ETNPPL: variants seen among roughly 807,000 people sequenced by gnomAD.
ETNPPL encodes ethanolamine-phosphate phospho-lyase, also known as alanine--glyoxylate aminotransferase 2-like 1.
In ETNPPL, 30 loss-of-function variants were observed where a neutral mutation model predicts 55.5. That is an observed-to-expected ratio of 0.54 (90% confidence interval 0.40 to 0.73). ETNPPL has a LOEUF of 0.73. Ranked by LOEUF, ETNPPL falls within the 30% of genes least tolerant of loss-of-function variation. The pLI, the probability that ETNPPL is intolerant of heterozygous loss-of-function variation, is 0.00. For synonymous variants in ETNPPL, 202 were observed against 207.2 expected, an observed-to-expected ratio of 0.98 and a Z score of 0.21; for missense variants, 528 against 607.9, an observed-to-expected ratio of 0.87 and a Z score of 1.38.
At chr4:108,762,605 C>A in intron 1 of ETNPPL, 1 of 634,468 alleles carries the variant, frequency 1.6e-6, no homozygotes, top group Non-Finnish European at 2.8e-6. Flanking sequence ...CCGCCGGCTG[C>A]AGAGCGAGCC....
In ETNPPL at chr4:108,762,890, C is replaced by T; in HGVS notation, c.9G>A (p.Glu3=). Residue 3 remains glutamate (E), a synonymous_variant, in exon 1 of 13, where the codon GAG becomes GAA. Coordinates refer to ENST00000296486, the MANE Select transcript of ETNPPL (RefSeq NM_031279.4). ...CCAGAGTGTCCCGCTTACTGTACAG[C>T]TCGCACATGGTGGCGGGGTGCAGGG... The part of the protein sequence containing the change: MC[E]LYSKRDTLGL... 4 of 1,614,068 alleles carry T rather than the reference C, an allele frequency of 2.5e-6. No homozygotes were observed. The highest frequency in any genetic ancestry group is 3.4e-6 in the Non-Finnish European group (4 of 1,179,922).
intron 11 of ETNPPL, among the ~76,000 whole-genome samples, chr4:108,745,366 G>A (rs1398568527): frequency 1.3e-5 from 2 of 152,146 alleles, no homozygotes; most frequent in Non-Finnish European, 2.9e-5. Context: ...GGAGGCTGAG[G>A]TGAGCAGATC....
chr4:108,763,001 G>C lies in ETNPPL; in HGVS notation c.-103C>G, dbSNP rs765977995. 4 of 1,099,786 alleles carry C rather than the reference G, an allele frequency of 3.6e-6. No homozygotes were observed. The highest frequency in any genetic ancestry group is 5.5e-6 in the Non-Finnish European group (4 of 733,368). The allele number at this position is 1,099,786 out of a possible 1,614,324, so 68.1% of individuals were successfully genotyped here. A position where few individuals can be genotyped will look rare whatever the true frequency, so the allele number is the denominator to read the frequency against. ...GGCGGCCCCGGCCGGCCTTCCTCCC[G>C]TTATCCCTCCTGGCGTTCTCTTGCC... On this transcript the variant is annotated 5_prime_UTR_variant, in exon 1 of 13. Coordinates refer to ENST00000296486, the MANE Select transcript of ETNPPL (RefSeq NM_031279.4).
At chr4:108,747,208 AAT>A (rs1296493013) in intron 9 of ETNPPL, among the ~76,000 whole-genome samples, 1 of 3,778 alleles carries the variant, frequency 2.6e-4, no homozygotes, top group Non-Finnish European at 4.1e-4. Flanking sequence ...ATATATATAT[AAT>A]ATATATATAT....
At chr4:108,751,726 T>C (rs1052765071) in intron 6 of ETNPPL, among the ~76,000 whole-genome samples, 2 of 152,234 alleles carry the variant, frequency 1.3e-5, no homozygotes, top group Non-Finnish European at 2.9e-5. Flanking sequence ...TTTTTAGATA[T>C]TTGGTTTCTT....
At chr4:108,756,342 A>G in intron 4 of ETNPPL, 76 bp downstream of exon 4, 2 of 967,614 alleles carry the variant, frequency 2.1e-6, no homozygotes, top group South Asian at 2.6e-5. Flanking sequence ...CGTTCATGGT[A>G]TTAGTATGGA....
chr4:108,747,922 G>T lies in ETNPPL; in HGVS notation c.1082+83C>A, dbSNP rs187213390. ...TTTTTGTAGTTTTAATAGAGACGGG[G>T]TCTCACCATGTTGCCCAGCCTATAA... is the stretch of plus-strand genomic sequence containing the variant. On this transcript the variant is annotated intron_variant, in intron 9 of 12. Transcript: ENST00000296486. 1.9e-5 allele frequency: 22 copies of T among 1,170,684 alleles called. No homozygotes were observed. In the Admixed American group the frequency reaches 4.6e-4, roughly 24 times the overall value. The allele number at this position is 1,170,684 out of a possible 1,614,324, so 72.5% of individuals were successfully genotyped here. A position where few individuals can be genotyped will look rare whatever the true frequency, so the allele number is the denominator to read the frequency against.
intron 7 of ETNPPL, among the ~76,000 whole-genome samples, chr4:108,750,214 C>T (rs1002716637): frequency 1.3e-5 from 2 of 152,082 alleles, no homozygotes; most frequent in Admixed American, 6.6e-5. Context: ...AAGAGATTAA[C>T]ATTTGAGTCA....
chr4:108,753,892 CTTGG>C (rs1312852758), intron 5 of ETNPPL, among the ~76,000 whole-genome samples: 6 of 151,154 alleles, frequency 4.0e-5, no homozygotes, highest in Non-Finnish European at 5.9e-5. Flanking sequence ...TTTTCAACAA[CTTGG>C]TTGGTTTCTT....
chr4:108,742,544 T>C lies in ETNPPL; in HGVS notation c.1440A>G (p.Arg480=), dbSNP rs1363432954. ...TATCCGTGCACATTCCATTTCTCTT[T>C]CTGCTGGGATTTTCTTTGGAGTCAG... ...STTDSKENPS[R]KRNGMCTDTH... The change falls in exon 13 of 13, where the codon AGA becomes AGG. Residue 480 remains arginine, a synonymous_variant. Transcript: ENST00000296486. 3 of 1,614,190 alleles carry C rather than the reference T, an allele frequency of 1.9e-6. No individual in the cohort carries two copies. The South Asian group carries it at 3.3e-5, about 18-fold the overall frequency.
At chr4:108,744,021 G>A (rs113090178) in intron 11 of ETNPPL, among the ~76,000 whole-genome samples, 165 bp from the exon 12 acceptor site, 6 of 152,210 alleles carry the variant, frequency 3.9e-5, no homozygotes, top group Non-Finnish European at 8.8e-5. Context: ...CCAGCACTTC[G>A]GGAGGCCGAA....
chr4:108,752,704 T>G lies in ETNPPL; in HGVS notation c.618+191A>C, dbSNP rs560832111. Among the ~76,000 whole-genome samples the G allele has an allele frequency of 5.3e-5, 8 of 152,328 alleles. No individual in the cohort carries two copies. The South Asian group carries it at 1.4e-3, about 28-fold the overall frequency. On this transcript the variant is annotated intron_variant, in intron 6 of 12. Transcript: ENST00000296486. ...ATAATGGTTGTATTTCCAGGATAAA[T>G]ACAAGTAGACAGTCTTAGAGGCATG...
At chr4:108,762,511 A>G (rs913868961) in intron 1 of ETNPPL, 3 of 670,352 alleles carry the variant, frequency 4.5e-6, no homozygotes, top group Admixed American at 4.1e-5. Context: ...TCTTCCACCC[A>G]TCTCCCATCC....
At chr4:108,744,597 T>C (rs373822848) in intron 11 of ETNPPL, among the ~76,000 whole-genome samples, 5 of 152,170 alleles carry the variant, frequency 3.3e-5, no homozygotes, top group African/African-American at 1.2e-4. Context: ...ATAACTTATG[T>C]GGACTCTCAA....
At chr4:108,753,579 A>C (rs984527169) in intron 5 of ETNPPL, among the ~76,000 whole-genome samples, 2 of 152,054 alleles carry the variant, frequency 1.3e-5, no homozygotes, top group Non-Finnish European at 2.9e-5. Context: ...CTGTCTCTAC[A>C]AAAAATACAA....
rs372406167 is a variant in ETNPPL, at chr4:108,746,436, T to C, written c.1266A>G (p.Ala422=). Residue 422 remains alanine, a synonymous_variant, in exon 11 of 13, where the codon GCA becomes GCG. Coordinates refer to ENST00000296486, the MANE Select transcript of ETNPPL (RefSeq NM_031279.4). ...KPPMCFTEED[A]KFMVDQLDRI... is the part of the protein sequence containing the mutation. ...TATCAAGTTGGTCCACCATGAACTT[T>C]GCATCTTCTTCAGTGAAGCACATAG... is the stretch of plus-strand genomic sequence containing the variant. 36 of 1,613,938 alleles carry C rather than the reference T, an allele frequency of 2.2e-5. No individual in the cohort carries two copies. The highest frequency in any genetic ancestry group is 3.1e-5 in the Non-Finnish European group (36 of 1,180,000).
chr4:108,745,760 A>G (rs778465189), intron 11 of ETNPPL, among the ~76,000 whole-genome samples: 6 of 151,834 alleles, frequency 4.0e-5, no homozygotes, highest in Non-Finnish European at 8.8e-5. Flanking sequence ...GTGAAACCCC[A>G]TCTCTACTAA....
intron 4 of ETNPPL, 74 bp from the exon 5 acceptor site, chr4:108,754,784 G>A: frequency 1.1e-6 from 1 of 919,050 alleles, no homozygotes; most frequent in Non-Finnish European, 1.8e-6. Context: ...ATGAAAACCA[G>A]TGTTGCATTT....
chr4:108,743,664 G>A (rs7664898), intron 12 of ETNPPL, 125 bp downstream of exon 12: 152 of 710,002 alleles, frequency 2.1e-4, no homozygotes, highest in Non-Finnish European at 3.3e-4. Flanking sequence ...AACAATAAGT[G>A]AACCTAATAC....
Sources: allele counts gnomAD v4.1 joint callset (sites outside exome capture counted in the v4.1 genomes callset), GRCh38; gene constraint gnomAD v4.1.1; transcripts MANE v1.5; gene names NCBI Gene and HGNC (gene_info 2026-07-23, HGNC 2026-07-21).